Variants in UBE3C observed in about 807,000 individuals in gnomAD.
UBE3C encodes the protein ubiquitin-protein ligase E3C.
UBE3C carries 42 observed loss-of-function variants against 129.4 expected under a neutral mutation model. That is an observed-to-expected ratio of 0.32 (90% CI 0.25 to 0.42). UBE3C has a LOEUF of 0.42. Among genes scored for constraint, UBE3C ranks in the 10% least tolerant of loss-of-function variants. The pLI is 1.00. For synonymous variants in UBE3C, 510 were observed against 492.4 expected (o/e 1.04, Z -0.47); for missense variants, 1,049 against 1,319.1 (o/e 0.80, Z 3.17).
intron 5 of UBE3C, among the ~76,000 whole-genome samples, chr7:157,177,670 G>C (rs1808556351): frequency 6.6e-6 from 1 of 152,238 alleles, no homozygotes; most frequent in Non-Finnish European, 1.5e-5. Flanking sequence ...GACAAAACAA[G>C]GTCTGGCTGG....
chr7:157,197,505 ATTTG>A (rs1809153875), intron 10 of UBE3C: 2 of 798,878 alleles, frequency 2.5e-6, no homozygotes, highest in Non-Finnish European at 1.8e-6. Flanking sequence ...AATAAAAATA[ATTTG>A]TTTTTTTTTT....
intron 5 of UBE3C, 82 bp downstream of exon 5, chr7:157,175,116 A>G: frequency 3.8e-6 from 3 of 781,378 alleles, no homozygotes; most frequent in Non-Finnish European, 5.3e-6. Context: ...TTTTATTTTC[A>G]GAGACAGTGG....
chr7:157,219,309 G>A (rs776688360), intron 14 of UBE3C, among the ~76,000 whole-genome samples: 1 of 152,104 alleles, frequency 6.6e-6, no homozygotes, highest in Non-Finnish European at 1.5e-5. Context: ...TTATATTTTG[G>A]CACAAGTCCC....
At chr7:157,155,820 G>A (rs1563030828) in intron 1 of UBE3C, among the ~76,000 whole-genome samples, 2 of 152,252 alleles carry the variant, frequency 1.3e-5, no homozygotes, top group Admixed American at 1.3e-4. Flanking sequence ...GCAGTTGGCT[G>A]TGCTCACTGT....
chr7:157,174,344 T>A (rs182325628), intron 4 of UBE3C, among the ~76,000 whole-genome samples: 1 of 152,378 alleles, frequency 6.6e-6, no homozygotes, highest in East Asian at 1.9e-4. Context: ...TATTTGCAAG[T>A]GAACTATTTT....
intron 3 of UBE3C, 119 bp downstream of exon 3, chr7:157,169,241 ATAATTT>A (rs1264655370): frequency 1.5e-6 from 1 of 664,284 alleles, no homozygotes; most frequent in Non-Finnish European, 2.4e-6. Context: ...TTCCCAATAA[ATAATTT>A]TATTTGTTCT....
At chr7:157,210,707 C>T (rs1224705041) in intron 13 of UBE3C, among the ~76,000 whole-genome samples, 2 of 152,284 alleles carry the variant, frequency 1.3e-5, no homozygotes, top group East Asian at 1.9e-4. Context: ...AACCAAAGAA[C>T]GCAGAAGCGT....
chr7:157,203,516 C>T (rs550477412), intron 11 of UBE3C, among the ~76,000 whole-genome samples: 4 of 152,238 alleles, frequency 2.6e-5, no homozygotes, highest in South Asian at 2.1e-4. Context: ...AGGAAATTAT[C>T]GTTTACCCAT....
intron 9 of UBE3C, 103 bp downstream of exon 9, chr7:157,184,132 T>TCAAG (rs1470623160): frequency 6.9e-7 from 1 of 1,459,014 alleles, no homozygotes; most frequent in Admixed American, 2.1e-5. Flanking sequence ...AGTCAGACCC[T>TCAAG]CAAGCAGCCT....
intron 13 of UBE3C, among the ~76,000 whole-genome samples, chr7:157,208,336 A>G (rs759418046): frequency 1.3e-5 from 2 of 151,818 alleles, no homozygotes; most frequent in Non-Finnish European, 2.9e-5. Flanking sequence ...TCTGCCTCCC[A>G]TAGTGCTGGG....
At chr7:157,172,927 C>CGT (rs1165865968) in intron 4 of UBE3C, among the ~76,000 whole-genome samples, 11 of 152,210 alleles carry the variant, frequency 7.2e-5, no homozygotes, top group African/African-American at 2.7e-4. Context: ...TGTAGCTACA[C>CGT]AGTCTTGCTT....
At chr7:157,154,457 T>C (rs552518435) in intron 1 of UBE3C, among the ~76,000 whole-genome samples, 2 of 152,302 alleles carry the variant, frequency 1.3e-5, no homozygotes, top group East Asian at 3.9e-4. Flanking sequence ...TCCCCTCTCA[T>C]TTTCAGTTAA....
chr7:157,252,766 G>A (rs1406503853), intron 19 of UBE3C, among the ~76,000 whole-genome samples: 1 of 152,246 alleles, frequency 6.6e-6, no homozygotes, highest in Non-Finnish European at 1.5e-5. Flanking sequence ...ACTGAAGGCT[G>A]TGAAAAGAAA....
intron 10 of UBE3C, among the ~76,000 whole-genome samples, chr7:157,187,411 G>A (rs1385855332): frequency 1.4e-5 from 2 of 145,028 alleles, no homozygotes; most frequent in Non-Finnish European, 3.0e-5. Context: ...TCTTCAGACA[G>A]CATCTCACTC....
chr7:157,212,085 T>C (rs1349299110), intron 13 of UBE3C, among the ~76,000 whole-genome samples: 1 of 152,238 alleles, frequency 6.6e-6, no homozygotes, highest in Non-Finnish European at 1.5e-5. Flanking sequence ...ATTTGATGTA[T>C]TTCCCACATT....
chr7:157,140,636 G>A (rs1807417250), intron 1 of UBE3C, among the ~76,000 whole-genome samples: 1 of 152,190 alleles, frequency 6.6e-6, no homozygotes, highest in Non-Finnish European at 1.5e-5. Flanking sequence ...TTGAAGGAGT[G>A]CCCATTCACA....
intron 2 of UBE3C, 130 bp downstream of exon 2, chr7:157,163,993 G>A: frequency 1.2e-6 from 1 of 839,952 alleles, no homozygotes; most frequent in Non-Finnish European, 1.8e-6. Flanking sequence ...GTGTATGTGT[G>A]TTTAGCTTTA....
intron 10 of UBE3C, chr7:157,198,030 T>C: frequency 1.2e-6 from 2 of 1,605,064 alleles, no homozygotes; most frequent in Non-Finnish European, 1.7e-6. Flanking sequence ...TTGGCCACCA[T>C]GAACAAGGCA....
intron 11 of UBE3C, among the ~76,000 whole-genome samples, chr7:157,204,332 A>G (rs1480268035): frequency 1.3e-5 from 2 of 151,238 alleles, no homozygotes; most frequent in African/African-American, 4.9e-5. Context: ...GTTAAAATGC[A>G]TATTCTCCTG....
Sources: allele counts gnomAD v4.1 joint callset (sites outside exome capture counted in the v4.1 genomes callset), GRCh38; gene constraint gnomAD v4.1.1; transcripts MANE v1.5; gene names NCBI Gene and HGNC (gene_info 2026-07-23, HGNC 2026-07-21).